Variants in SPECC1 observed in about 807,000 individuals in gnomAD.
SPECC1 encodes the protein cytospin-B.
Under a neutral mutation model 104.1 loss-of-function variants are expected in SPECC1, and 62 were observed. That is an observed-to-expected ratio of 0.60 (90% CI 0.49 to 0.74). The LOEUF is 0.74. SPECC1 is among the 30% of genes least tolerant of loss of function. The pLI is 0.00. For synonymous variants in SPECC1, 513 were observed against 501.6 expected, an observed-to-expected ratio of 1.02 and a Z score of -0.30; for missense variants, 1,306 against 1,310.5, an observed-to-expected ratio of 1.00 and a Z score of 0.05.
intron 14 of SPECC1, among the ~76,000 whole-genome samples, chr17:20,308,793 C>A (rs2142191715): frequency 6.6e-6 from 1 of 152,294 alleles, no homozygotes; most frequent in East Asian, 1.9e-4. Flanking sequence ...GGTGGAGTAG[C>A]AGGGATCTCC....
At chr17:20,213,367 T>C (rs1156403797) in intron 4 of SPECC1, among the ~76,000 whole-genome samples, 1 of 152,176 alleles carries the variant, frequency 6.6e-6, no homozygotes, top group African/African-American at 2.4e-5. Context: ...AGTGCTGGGA[T>C]TGCAGGGGTG....
chr17:20,176,929 A>C (rs2034511807), intron 3 of SPECC1, among the ~76,000 whole-genome samples: 1 of 152,212 alleles, frequency 6.6e-6, no homozygotes, highest in African/African-American at 2.4e-5. Flanking sequence ...ATTGTTATTC[A>C]GTGTGCTGCA....
At chr17:20,288,957 G>A (rs2041060699) in intron 12 of SPECC1, among the ~76,000 whole-genome samples, 1 of 151,604 alleles carries the variant, frequency 6.6e-6, no homozygotes, top group African/African-American at 2.4e-5. Context: ...GCTAATTTTT[G>A]TATTTTTAGT....
At chr17:20,252,703 T>C (rs558273514) in intron 9 of SPECC1, among the ~76,000 whole-genome samples, 30 of 152,344 alleles carry the variant, frequency 2.0e-4, no homozygotes, top group African/African-American at 6.7e-4. Context: ...GATTTCCTTC[T>C]TTTTTAAGGC....
intron 3 of SPECC1, among the ~76,000 whole-genome samples, chr17:20,133,765 C>G (rs2049778820): frequency 6.6e-6 from 1 of 152,186 alleles, no homozygotes; most frequent in Non-Finnish European, 1.5e-5. Context: ...TTCATCCTAT[C>G]TGAAACCAGT....
At chr17:20,157,654 A>G (rs1435415270) in intron 3 of SPECC1, among the ~76,000 whole-genome samples, 1 of 152,174 alleles carries the variant, frequency 6.6e-6, no homozygotes, top group Non-Finnish European at 1.5e-5. Flanking sequence ...TACAGCTTTT[A>G]AGACTGATTG....
At chr17:20,033,901 T>G (rs982500586) in intron 1 of SPECC1, among the ~76,000 whole-genome samples, 2 of 152,184 alleles carry the variant, frequency 1.3e-5, no homozygotes, top group Non-Finnish European at 2.9e-5. Flanking sequence ...GTGCTTATTG[T>G]CAGCCTCAAA....
chr17:20,285,681 T>C (rs2040918899), intron 12 of SPECC1, among the ~76,000 whole-genome samples: 2 of 152,218 alleles, frequency 1.3e-5, no homozygotes, highest in Admixed American at 1.3e-4. Flanking sequence ...CAAATGTTAG[T>C]GTTCAGAGTG....
intron 1 of SPECC1, among the ~76,000 whole-genome samples, chr17:20,068,932 T>A (rs553233291): frequency 1.4e-4 from 21 of 152,356 alleles, no homozygotes; most frequent in Admixed American, 1.2e-3. Context: ...GCAAATGATT[T>A]CTCCCATTCT....
chr17:20,239,878 GTTTTTTTTTT>G (rs60216339), intron 7 of SPECC1, among the ~76,000 whole-genome samples: 6 of 36,910 alleles, frequency 1.6e-4, no homozygotes, highest in African/African-American at 7.3e-4. Flanking sequence ...ATTTCGCTGA[GTTTTTTTTTT>G]TTTTTTTTTT....
chr17:20,166,796 C>A (rs1020903010), intron 3 of SPECC1, among the ~76,000 whole-genome samples: 2 of 152,092 alleles, frequency 1.3e-5, no homozygotes, highest in African/African-American at 2.4e-5. Flanking sequence ...ATTAAAAAAA[C>A]CTCAGCAAAC....
At chr17:20,185,572 C>T (rs550504223) in intron 3 of SPECC1, among the ~76,000 whole-genome samples, 24 of 152,260 alleles carry the variant, frequency 1.6e-4, no homozygotes, top group Admixed American at 2.6e-4. Flanking sequence ...AATTCCTGAC[C>T]GGCAAAATGA....
intron 1 of SPECC1, among the ~76,000 whole-genome samples, chr17:20,071,490 T>C (rs892934702): frequency 1.4e-4 from 21 of 152,168 alleles, no homozygotes; most frequent in African/African-American, 5.1e-4. Flanking sequence ...TTCAGGACAA[T>C]TTTATAAATA....
chr17:20,243,082 G>A (rs918872473), intron 7 of SPECC1, among the ~76,000 whole-genome samples: 7 of 152,058 alleles, frequency 4.6e-5, no homozygotes, highest in Non-Finnish European at 1.5e-5. Context: ...CTGGAGAGTT[G>A]GTGTGTTTGT....
Position 20,315,643 on chromosome 17 carries a change from G to C in SPECC1, c.*1578G>C, listed in dbSNP as rs2042030998. 1 of 232,224 alleles carries C rather than the reference G, an allele frequency of 4.3e-6. No homozygotes were observed. Among genetic ancestry groups the C allele is most frequent in the South Asian group, 1.8e-4 (1 of 5,502 alleles). 14.4% of individuals were successfully genotyped at this position (232,224 alleles called of 1,614,324 possible). The stretch of plus-strand genomic sequence containing the variant: ...TCTCTGATTGCTGATCTGAGCCACT[G>C]GTTCAGAGCCAGGTTCTAGAGGCTG... On this transcript the variant is annotated 3_prime_UTR_variant, in exon 15 of 15. Transcript: ENST00000395527.
intron 1 of SPECC1, among the ~76,000 whole-genome samples, chr17:20,050,004 A>T (rs1370161471): frequency 6.6e-6 from 1 of 151,812 alleles, no homozygotes; most frequent in Non-Finnish European, 1.5e-5. Flanking sequence ...TTTAGTAGAG[A>T]TGGGGTTTCT....
chr17:20,295,062 G>A (rs1011637941), intron 12 of SPECC1, among the ~76,000 whole-genome samples: 2 of 151,650 alleles, frequency 1.3e-5, no homozygotes, highest in Non-Finnish European at 2.9e-5. Flanking sequence ...GGGTACATGT[G>A]CACAATGTGC....
intron 1 of SPECC1, among the ~76,000 whole-genome samples, chr17:20,036,701 C>T (rs1033352923): frequency 6.6e-6 from 1 of 152,176 alleles, no homozygotes; most frequent in Non-Finnish European, 1.5e-5. Flanking sequence ...TCCACTGCCC[C>T]CCTACCCCTA....
chr17:20,240,385 C>CT (rs2039148371), intron 7 of SPECC1, among the ~76,000 whole-genome samples: 1 of 151,758 alleles, frequency 6.6e-6, no homozygotes, highest in African/African-American at 2.4e-5. Flanking sequence ...TATTATGAGC[C>CT]TTTATCATAT....
Sources: gnomAD v4.1 joint callset for allele counts (sites outside exome capture counted in the v4.1 genomes callset) on GRCh38, gnomAD v4.1.1 for gene constraint, MANE v1.5 for transcripts, NCBI Gene and HGNC (gene_info 2026-07-23, HGNC 2026-07-21) for gene names.